Variants in RCAN2 observed in about 807,000 individuals in gnomAD.
RCAN2 encodes regulator of calcineurin 2, also known as calcipressin-2.
In RCAN2, 9 loss-of-function variants were observed where a neutral mutation model predicts 23.6. The ratio of observed to expected loss-of-function variants is 0.38; its 90% CI spans 0.23 to 0.67. The LOEUF is 0.67. Among genes scored for constraint, RCAN2 ranks in the 30% least tolerant of loss-of-function variants. RCAN2 has a pLI of 0.51. For missense variants in RCAN2, 273 were observed against 302.3 expected, an observed-to-expected ratio of 0.90 and a Z score of 0.72; for synonymous variants, 109 against 115.7, an observed-to-expected ratio of 0.94 and a Z score of 0.37.
chr6:46,291,153 T>C (rs1210746983), intron 2 of RCAN2, among the ~76,000 whole-genome samples: 3 of 152,042 alleles, frequency 2.0e-5, no homozygotes, highest in Admixed American at 6.6e-5. Context: ...CGTGATGAAA[T>C]AAGAAATTTA....
chr6:46,473,847 G>A (rs569125254), intron 1 of RCAN2, among the ~76,000 whole-genome samples: 4 of 152,052 alleles, frequency 2.6e-5, no homozygotes, highest in Admixed American at 2.6e-4. Flanking sequence ...AAGGAATGAG[G>A]GTACATTTAT....
intron 2 of RCAN2, among the ~76,000 whole-genome samples, chr6:46,379,116 A>G (rs1052152391): frequency 6.6e-6 from 1 of 152,216 alleles, no homozygotes; most frequent in Non-Finnish European, 1.5e-5. Context: ...GATCTATAAA[A>G]TAGGAGGCAG....
intron 2 of RCAN2, among the ~76,000 whole-genome samples, chr6:46,399,726 C>T (rs749485817): frequency 6.6e-6 from 1 of 151,914 alleles, no homozygotes; most frequent in South Asian, 2.1e-4. Context: ...TTTCACACCA[C>T]CTTCTCTTCT....
intron 2 of RCAN2, among the ~76,000 whole-genome samples, chr6:46,408,461 T>C (rs780305143): frequency 6.6e-6 from 1 of 152,236 alleles, no homozygotes; most frequent in African/African-American, 2.4e-5. Flanking sequence ...CTGGATGTGC[T>C]GCCCTTCACA....
intron 2 of RCAN2, among the ~76,000 whole-genome samples, chr6:46,310,493 C>T (rs542820525): frequency 6.6e-6 from 1 of 151,794 alleles, no homozygotes; most frequent in South Asian, 2.1e-4. Context: ...CATGCAGTGT[C>T]CCGGCTTAAC....
intron 1 of RCAN2, among the ~76,000 whole-genome samples, chr6:46,480,561 A>G (rs527684349): frequency 9.8e-5 from 15 of 152,306 alleles, no homozygotes; most frequent in African/African-American, 3.6e-4. Flanking sequence ...ACTAGGTCAC[A>G]TTCTGGAAAA....
chr6:46,327,058 A>C (rs1490434689), intron 2 of RCAN2, among the ~76,000 whole-genome samples: 1 of 152,242 alleles, frequency 6.6e-6, no homozygotes, highest in East Asian at 1.9e-4. Flanking sequence ...AATATCAAGT[A>C]ATGACTATGC....
chr6:46,468,731 C>G (rs1768464097), intron 1 of RCAN2: 9 of 747,640 alleles, frequency 1.2e-5, no homozygotes, highest in South Asian at 6.0e-5. Context: ...CTCAGATTCC[C>G]TCTCTCCCCT....
intron 2 of RCAN2, among the ~76,000 whole-genome samples, chr6:46,390,502 A>T (rs1347997445): frequency 6.6e-6 from 1 of 152,170 alleles, no homozygotes; most frequent in Non-Finnish European, 1.5e-5. Flanking sequence ...TTCTCTATGG[A>T]ATGTGACATT....
chr6:46,248,991 C>T (rs1277711328), intron 2 of RCAN2, 95 bp from the exon 3 acceptor site: 2 of 820,294 alleles, frequency 2.4e-6, no homozygotes, highest in Admixed American at 5.7e-5. Context: ...AATAAATAGG[C>T]TGTTAATAAC....
chr6:46,472,008 C>A (rs1768570829), intron 1 of RCAN2, among the ~76,000 whole-genome samples: 1 of 152,164 alleles, frequency 6.6e-6, no homozygotes, highest in South Asian at 2.1e-4. Context: ...TTCTTCCTCG[C>A]ATTGTTCTGT....
chr6:46,350,579 T>C (rs1409617970), intron 2 of RCAN2, among the ~76,000 whole-genome samples: 1 of 152,182 alleles, frequency 6.6e-6, no homozygotes, highest in African/African-American at 2.4e-5. Context: ...GTGCCGAGAA[T>C]AGAAATGGTA....
intron 2 of RCAN2, among the ~76,000 whole-genome samples, chr6:46,334,841 C>G (rs958944044): frequency 1.8e-4 from 28 of 152,268 alleles, no homozygotes; most frequent in African/African-American, 6.3e-4. Context: ...CTCCCCGGGT[C>G]CAAGAGTTTT....
intron 2 of RCAN2, among the ~76,000 whole-genome samples, chr6:46,366,420 A>C (rs796584756): frequency 5.3e-5 from 8 of 152,032 alleles, no homozygotes; most frequent in African/African-American, 1.7e-4. Context: ...CACTGGCCAT[A>C]CTCTAACTCT....
At chr6:46,370,419 A>G (rs761526869) in intron 2 of RCAN2, among the ~76,000 whole-genome samples, 3 of 151,820 alleles carry the variant, frequency 2.0e-5, no homozygotes, top group Non-Finnish European at 2.9e-5. Flanking sequence ...TATGGAATGC[A>G]CCTCCCTCCC....
chr6:46,474,590 G>T (rs1256585438), intron 1 of RCAN2, among the ~76,000 whole-genome samples: 1 of 152,202 alleles, frequency 6.6e-6, no homozygotes, highest in East Asian at 1.9e-4. Flanking sequence ...GTTTGGAAAG[G>T]AAGAGACAGG....
intron 2 of RCAN2, among the ~76,000 whole-genome samples, chr6:46,313,251 C>T (rs898235342): frequency 1.3e-5 from 2 of 152,184 alleles, no homozygotes; most frequent in African/African-American, 4.8e-5. Context: ...CTTACTCAAA[C>T]CATGGCACGC....
intron 2 of RCAN2, among the ~76,000 whole-genome samples, chr6:46,285,121 A>C (rs1762329749): frequency 6.6e-6 from 1 of 152,230 alleles, no homozygotes; most frequent in African/African-American, 2.4e-5. Context: ...TACACCTAGA[A>C]ATGCACACAC....
chr6:46,410,110 C>G (rs1165454947), intron 2 of RCAN2, among the ~76,000 whole-genome samples: 1 of 152,088 alleles, frequency 6.6e-6, no homozygotes, highest in African/African-American at 2.4e-5. Context: ...GGTATTTGCA[C>G]CAGTGACCCT....
Sources: allele counts gnomAD v4.1 joint callset (sites outside exome capture counted in the v4.1 genomes callset), GRCh38; gene constraint gnomAD v4.1.1; transcripts MANE v1.5; gene names NCBI Gene and HGNC (gene_info 2026-07-23, HGNC 2026-07-21).